Variants in RNF17 observed in about 807,000 individuals in gnomAD.
RNF17 encodes the protein spermatogenesis associated 23.
Under a neutral mutation model 200.5 loss-of-function variants are expected in RNF17, and 31 were observed. The ratio of observed to expected loss-of-function variants is 0.15; its 90% CI spans 0.12 to 0.21. The LOEUF is 0.21. RNF17 is among the 10% of genes least tolerant of loss of function. The pLI is 1.00. For missense variants in RNF17, 1,628 were observed against 1,905.1 expected (o/e 0.85, Z 2.71); for synonymous variants, 606 against 637.8 (o/e 0.95, Z 0.75).
chr13:24,778,393 C>A lies in RNF17; in HGVS notation c.416C>A (p.Ser139Ter). 1 of 1,609,290 alleles carries A rather than the reference C, an allele frequency of 6.2e-7. No individual in the cohort carries two copies. The highest frequency in any genetic ancestry group is 1.1e-5 in the South Asian group (1 of 90,912). Reference sequence around the variant, plus strand: ...ACAGACAAGACTCTTTTGAACTCATCAGCTGTAATGTTGGTATGAAACATA... The same window carrying A: ...ACAGACAAGACTCTTTTGAACTCATAAGCTGTAATGTTGGTATGAAACATA... The part of the protein sequence containing the change: ...ASTDKTLLNS[S>*]AVMLDTNTAE... The change falls in exon 4 of 36, where the codon TCA becomes TAA. Residue 139 changes from serine (S) to a stop codon, truncating the protein, a stop_gained. Coordinates refer to ENST00000255324, the MANE Select transcript of RNF17 (RefSeq NM_031277.3). LOFTEE classifies it high-confidence loss of function.
intron 2 of RNF17, among the ~76,000 whole-genome samples, chr13:24,773,753 G>C (rs9581176): frequency 0.17 from 26,292 of 151,488 alleles, 2,434 homozygotes; most frequent in South Asian, 0.32. Context: ...AATTGACTGA[G>C]TGAAGTTAGA....
At chr13:24,832,646 C>T (rs1007990187) in intron 18 of RNF17, among the ~76,000 whole-genome samples, 47 of 152,078 alleles carry the variant, frequency 3.1e-4, no homozygotes, top group Non-Finnish European at 4.4e-5. Context: ...TACATATACA[C>T]GATAGGTGCT....
At chr13:24,766,519 G>A (rs1879718513) in intron 1 of RNF17, among the ~76,000 whole-genome samples, 1 of 152,214 alleles carries the variant, frequency 6.6e-6, no homozygotes, top group Admixed American at 6.5e-5. Flanking sequence ...AGTAGCATCT[G>A]GCTTCTGGCC....
chr13:24,783,755 T>G (rs954307176), intron 6 of RNF17, among the ~76,000 whole-genome samples: 10 of 152,226 alleles, frequency 6.6e-5, no homozygotes, highest in Admixed American at 4.6e-4. Context: ...AGCTTTAGTA[T>G]TATTTTATGG....
At chr13:24,849,652 T>C (rs926678427) in intron 22 of RNF17, among the ~76,000 whole-genome samples, 31 of 152,246 alleles carry the variant, frequency 2.0e-4, no homozygotes, top group African/African-American at 7.2e-4. Flanking sequence ...TGAGCATTTT[T>C]TCAAACTATG....
intron 18 of RNF17, among the ~76,000 whole-genome samples, chr13:24,839,846 C>G (rs2138105137): frequency 6.6e-6 from 1 of 152,214 alleles, no homozygotes; most frequent in East Asian, 1.9e-4. Flanking sequence ...ACCAAGAACC[C>G]AAAAGCAAAT....
intron 25 of RNF17, among the ~76,000 whole-genome samples, chr13:24,855,630 A>G (rs903754597): frequency 7.4e-6 from 1 of 135,814 alleles, no homozygotes; most frequent in Non-Finnish European, 1.6e-5. Context: ...AGACTCCATT[A>G]AAAAAAAAAA....
chr13:24,800,566 G>T (rs578158017), intron 13 of RNF17, 32 bp downstream of exon 13: 2 of 1,593,148 alleles, frequency 1.3e-6, no homozygotes, highest in South Asian at 2.3e-5. Context: ...TTTTCCTTCA[G>T]AGGTTATTAC....
At position 24,764,349 on chromosome 13, in the gene RNF17, G is replaced by A. The variant is rs546476989; in HGVS notation, c.130+16G>A. 7 of 1,574,748 alleles carry A rather than the reference G, an allele frequency of 4.4e-6. No homozygotes were observed. The East Asian group carries it at 1.4e-4, about 31-fold the overall frequency. On this transcript the variant is annotated intron_variant, in intron 1 of 35. Coordinates refer to ENST00000255324, the MANE Select transcript of RNF17 (RefSeq NM_031277.3). ...AGATCATCCGGTGAGGAGCCCAAGG[G>A]CCCACCTAGCGGGGAGGCAGCCTGG...
In RNF17 at chr13:24,831,937, A is replaced by C; in HGVS notation, c.2441A>C (p.Glu814Ala). Residue 814 changes from glutamate (E) to alanine (A), a missense_variant, in exon 18 of 36, where the codon GAA becomes GCA. By Grantham distance (107) the Glu-to-Ala change is moderately radical. This residue lies in a region of RNF17 where 227 missense variants were observed against 319.8 expected (regional missense o/e 0.71). Transcript: ENST00000255324. ...QWSKEAKEKF[E>A]EKAQDKFMTC... is the part of the protein sequence containing the mutation. ...TCCAAAGAAGCTAAAGAAAAATTTGAAGAAAAGGCTCAAGATAAATTTATG... is the reference window on the plus strand; with the variant it reads ...TCCAAAGAAGCTAAAGAAAAATTTGCAGAAAAGGCTCAAGATAAATTTATG... The C allele has an allele frequency of 1.2e-6, 2 of 1,602,932 alleles. No individual in the cohort carries two copies. Among genetic ancestry groups the C allele is most frequent in the Non-Finnish European group, 1.7e-6 (2 of 1,171,652 alleles).
chr13:24,791,833 A>G (rs1883896289), intron 9 of RNF17, among the ~76,000 whole-genome samples: 1 of 152,202 alleles, frequency 6.6e-6, no homozygotes, highest in African/African-American at 2.4e-5. Flanking sequence ...GATAAATATA[A>G]TTGTGAACAG....
chr13:24,786,206 T>C (rs529412039), intron 6 of RNF17, among the ~76,000 whole-genome samples: 1 of 152,320 alleles, frequency 6.6e-6, no homozygotes, highest in African/African-American at 2.4e-5. Context: ...TTTTTATGGT[T>C]ACCCATAAGG....
intron 1 of RNF17, among the ~76,000 whole-genome samples, chr13:24,764,667 C>T (rs1397500197): frequency 6.6e-6 from 1 of 152,154 alleles, no homozygotes; most frequent in Non-Finnish European, 1.5e-5. Context: ...TAAAATGTAG[C>T]CCATTGTTTT....
At chr13:24,783,624 C>T (rs1014682756) in intron 6 of RNF17, among the ~76,000 whole-genome samples, 12 of 152,016 alleles carry the variant, frequency 7.9e-5, no homozygotes, top group African/African-American at 2.9e-4. Context: ...TCTTTTGATG[C>T]TATTGTAAAA....
At position 24,854,049 on chromosome 13, in the gene RNF17, A is replaced by T; in HGVS notation, c.3515A>T (p.Tyr1172Phe). ...KILEPRTTRG[Y>F]KPPAIPNMNV... ...CTAGAACCAAGAACCACTAGAGGGT[A>T]TAAGCCACCAGCTATTCCTAACATG... The change falls in exon 25 of 36, where the codon TAT becomes TTT. Residue 1172 changes from tyrosine (Y) to phenylalanine (F), a missense_variant. Physicochemically the swap from Tyr to Phe is conservative, Grantham distance 22 (BLOSUM62 3). Transcript: ENST00000255324. The T allele has an allele frequency of 1.2e-6, 2 of 1,613,978 alleles. No homozygotes were observed. The highest frequency in any genetic ancestry group is 1.7e-6 in the Non-Finnish European group (2 of 1,179,848).
At chr13:24,802,596 T>C in intron 14 of RNF17, 25 bp downstream of exon 14, 1 of 1,562,580 alleles carries the variant, frequency 6.4e-7, no homozygotes, top group South Asian at 1.2e-5. Context: ...AAAACTTAAA[T>C]ATTCTTTGAG....
intron 30 of RNF17, 108 bp from the exon 31 acceptor site, chr13:24,868,492 A>AT: frequency 3.6e-6 from 2 of 559,398 alleles, no homozygotes; most frequent in Non-Finnish European, 3.2e-6. Context: ...AAAAAAAAAA[A>AT]ACTTGCTTTC....
chr13:24,837,557 A>T (rs1184898804), intron 18 of RNF17, among the ~76,000 whole-genome samples: 1 of 152,204 alleles, frequency 6.6e-6, no homozygotes, highest in Non-Finnish European at 1.5e-5. Flanking sequence ...CTTCAAAACC[A>T]TGCAAATACA....
At chr13:24,841,704 A>G (rs1890655669) in intron 18 of RNF17, among the ~76,000 whole-genome samples, 1 of 152,166 alleles carries the variant, frequency 6.6e-6, no homozygotes, top group East Asian at 1.9e-4. Context: ...CAGGCCTGTA[A>G]TCCCAGCACT....
Sources: gnomAD v4.1 joint callset for allele counts (sites outside exome capture counted in the v4.1 genomes callset) on GRCh38, gnomAD v4.1.1 for gene constraint, gnomAD v4.1.1 regional missense constraint, MANE v1.5 for transcripts, NCBI Gene and HGNC (gene_info 2026-07-23, HGNC 2026-07-21) for gene names.